Variants in GPR176 observed in about 807,000 individuals in gnomAD.
GPR176 encodes the protein G protein-coupled receptor 176.
In GPR176, 26 loss-of-function variants were observed where a neutral mutation model predicts 35.4. The observed-to-expected ratio is 0.74, with a 90% CI of 0.54 to 1.02. The LOEUF (loss-of-function observed/expected upper bound fraction) is 1.02. GPR176 is among the 50% of genes least tolerant of loss of function. The probability of loss-of-function intolerance (pLI) is 0.00; values close to 1 mark genes in which losing one functional copy is unlikely to be tolerated. For synonymous variants in GPR176, 278 were observed against 271.3 expected, an observed-to-expected ratio of 1.02 and a Z score of -0.24; for missense variants, 597 against 665.3, an observed-to-expected ratio of 0.90 and a Z score of 1.13.
chr15:39,910,201 A>G (rs1049236724), intron 1 of GPR176, among the ~76,000 whole-genome samples: 1 of 152,250 alleles, frequency 6.6e-6, no homozygotes, highest in Non-Finnish European at 1.5e-5. Context: ...TAAATGTGTA[A>G]ATGTAAGGCT....
chr15:39,907,555 C>G (rs1186069034), intron 1 of GPR176, among the ~76,000 whole-genome samples: 2 of 152,204 alleles, frequency 1.3e-5, no homozygotes, highest in African/African-American at 4.8e-5. Flanking sequence ...CATCCACACC[C>G]CATAATTGAC....
rs376560091 is a variant in GPR176 at position 39,813,256 on chromosome 15, T to G, written c.173-5998A>C. The G allele has an allele frequency of 3.3e-5, 5 of 152,350 alleles. 1 individual carries two copies. The highest frequency in any genetic ancestry group is 1.9e-4 in the East Asian group (1 of 5,192). The allele number at this position is 152,350 out of a possible 1,614,324, so 9.4% of individuals were successfully genotyped here. On this transcript the variant is annotated intron_variant, in intron 1 of 2. Transcript: ENST00000561100. ...CCATTTCAATCATTTCTGGAGATCT[T>G]TATTTCTTTGTGTAGACACAAGTTT... is the stretch of plus-strand genomic sequence containing the variant.
intron 1 of GPR176, among the ~76,000 whole-genome samples, chr15:39,862,952 C>A (rs1481742525): frequency 6.6e-6 from 1 of 152,028 alleles, no homozygotes; most frequent in Admixed American, 6.5e-5. Flanking sequence ...TGTTATTGCC[C>A]CTGAAGACCT....
intron 1 of GPR176, among the ~76,000 whole-genome samples, chr15:39,919,168 T>C (rs2033805342): frequency 6.6e-6 from 1 of 152,228 alleles, no homozygotes; most frequent in African/African-American, 2.4e-5. Flanking sequence ...AATTCGTTGA[T>C]CTTTTCTTCC....
At chr15:39,892,728 G>C (rs929892140) in intron 1 of GPR176, among the ~76,000 whole-genome samples, 17 of 152,344 alleles carry the variant, frequency 1.1e-4, no homozygotes, top group Admixed American at 9.2e-4. Flanking sequence ...GATGCAGGCA[G>C]CCGCCAAAAG....
chr15:39,881,137 T>C (rs888033202), intron 1 of GPR176, among the ~76,000 whole-genome samples: 1 of 152,148 alleles, frequency 6.6e-6, no homozygotes, highest in African/African-American at 2.4e-5. Flanking sequence ...GATCTCCAAG[T>C]ACCATGCTTT....
At chr15:39,808,296 C>G (rs74008888) in intron 1 of GPR176, among the ~76,000 whole-genome samples, 1 of 152,296 alleles carries the variant, frequency 6.6e-6, no homozygotes, top group South Asian at 2.1e-4. Flanking sequence ...TTACCTACTC[C>G]GATGCCTGCT....
chr15:39,858,126 C>G (rs1195701183), intron 1 of GPR176, among the ~76,000 whole-genome samples: 1 of 151,892 alleles, frequency 6.6e-6, no homozygotes, highest in Non-Finnish European at 1.5e-5. Flanking sequence ...AAATGAGACA[C>G]CTGGATGAAG....
At chr15:39,835,752 T>G (rs1901360793) in intron 1 of GPR176, among the ~76,000 whole-genome samples, 2 of 152,162 alleles carry the variant, frequency 1.3e-5, no homozygotes, top group Non-Finnish European at 2.9e-5. Context: ...ACCATACTGG[T>G]TGCCATGGAG....
intron 1 of GPR176, among the ~76,000 whole-genome samples, chr15:39,902,221 T>C (rs979292622): frequency 2.0e-5 from 3 of 152,210 alleles, no homozygotes; most frequent in African/African-American, 7.2e-5. Flanking sequence ...GCCTTGCAAG[T>C]ACAATCACAA....
chr15:39,840,363 T>G (rs1015291300), intron 1 of GPR176, among the ~76,000 whole-genome samples: 6 of 152,204 alleles, frequency 3.9e-5, no homozygotes, highest in Non-Finnish European at 7.3e-5. Flanking sequence ...ACCATCATTC[T>G]GAGCAAACTA....
chr15:39,909,753 T>C (rs939588133), intron 1 of GPR176: 2 of 184,710 alleles, frequency 1.1e-5, no homozygotes, highest in African/African-American at 4.8e-5. Flanking sequence ...CTTTTAATGC[T>C]GATATCTGAA....
chr15:39,882,965 C>T (rs1276223422), intron 1 of GPR176, among the ~76,000 whole-genome samples: 1 of 152,176 alleles, frequency 6.6e-6, no homozygotes, highest in East Asian at 1.9e-4. Flanking sequence ...CTGGATATTC[C>T]TGATCCTCTC....
intron 2 of GPR176, among the ~76,000 whole-genome samples, chr15:39,803,084 T>C (rs1175477588): frequency 1.3e-5 from 2 of 152,110 alleles, no homozygotes; most frequent in African/African-American, 4.8e-5. Flanking sequence ...GAATAACTCT[T>C]TGCACCCTAG....
At chr15:39,818,354 A>G (rs1017114569) in intron 1 of GPR176, among the ~76,000 whole-genome samples, 2 of 152,266 alleles carry the variant, frequency 1.3e-5, no homozygotes, top group Non-Finnish European at 1.5e-5. Flanking sequence ...TAACAGGAAG[A>G]AGCTATGTAG....
At chr15:39,918,590 CTAAAG>C (rs2033788679) in intron 1 of GPR176, among the ~76,000 whole-genome samples, 2 of 152,034 alleles carry the variant, frequency 1.3e-5, no homozygotes, top group Non-Finnish European at 2.9e-5. Flanking sequence ...TCATGAATAC[CTAAAG>C]TATTTTGAAC....
chr15:39,828,009 T>C (rs760304111), intron 1 of GPR176, among the ~76,000 whole-genome samples: 1 of 152,316 alleles, frequency 6.6e-6, no homozygotes, highest in Middle Eastern at 3.4e-3. Flanking sequence ...TCAACTGAAG[T>C]GGTATTGGGA....
Position 39,799,794 on chromosome 15 carries a change from A to T in GPR176, c.*1338T>A, listed in dbSNP as rs561774275. Reference sequence around the variant, plus strand: ...GTTCTAATTCAACCTGGTGAAATCCACCCCAGAGGGGTCCCAAATTGCTTG... The same window carrying T: ...GTTCTAATTCAACCTGGTGAAATCCTCCCCAGAGGGGTCCCAAATTGCTTG... On this transcript the variant is annotated 3_prime_UTR_variant, in exon 3 of 3. Coordinates refer to ENST00000561100, the MANE Select transcript of GPR176 (RefSeq NM_007223.3). 6.6e-6 allele frequency: 1 copy of T among 152,212 alleles called. No homozygotes were observed. The highest frequency in any genetic ancestry group is 6.5e-5 in the Admixed American group (1 of 15,272). The allele number at this position is 152,212 out of a possible 1,614,324, so 9.4% of individuals were successfully genotyped here. A position where few individuals can be genotyped will look rare whatever the true frequency, so the allele number is the denominator to read the frequency against.
intron 1 of GPR176, among the ~76,000 whole-genome samples, chr15:39,892,530 G>A (rs984157152): frequency 1.3e-5 from 2 of 152,230 alleles, no homozygotes; most frequent in African/African-American, 4.8e-5. Flanking sequence ...GGCCAGCTGC[G>A]AATACGACCT....
Sources: allele counts gnomAD v4.1 joint callset (sites outside exome capture counted in the v4.1 genomes callset), GRCh38; gene constraint gnomAD v4.1.1; transcripts MANE v1.5; gene names NCBI Gene and HGNC (gene_info 2026-07-23, HGNC 2026-07-21).